The following ZNF420 variants were observed in gnomAD, a reference collection of about 807,000 sequenced individuals.
The protein encoded by ZNF420 is zinc finger protein 420.
In ZNF420, 31 loss-of-function variants were observed where a neutral mutation model predicts 44.7. The observed-to-expected ratio is 0.69, with a 90% CI of 0.52 to 0.94. The LOEUF (loss-of-function observed/expected upper bound fraction) is 0.94. Among genes scored for constraint, ZNF420 ranks in the 40% least tolerant of loss-of-function variants. ZNF420 has a pLI of 0.00. For synonymous variants in ZNF420, 245 were observed against 267.4 expected, an observed-to-expected ratio of 0.92 and a Z score of 0.82; for missense variants, 681 against 827.9, an observed-to-expected ratio of 0.82 and a Z score of 2.18.
Position 37,094,704 on chromosome 19 carries a change from G to T in ZNF420, c.136+3583G>T, listed in dbSNP as rs199694724. 2.4e-4 allele frequency among the ~76,000 whole-genome samples: 36 copies of T among 152,152 alleles called. No individual in the cohort carries two copies. In the East Asian group the frequency reaches 6.2e-3, roughly 26 times the overall value. Reference sequence around the variant, plus strand: ...GTAACCTTTGTGGCAATTAGTTGAGGTTCTAAGGAGAGATAAGAAATTGAC... The same window carrying T: ...GTAACCTTTGTGGCAATTAGTTGAGTTTCTAAGGAGAGATAAGAAATTGAC... On this transcript the variant is annotated intron_variant, in intron 4 of 4. Transcript: ENST00000337995.
At chr19:37,038,750 C>T (rs911596885) in intron 1 of ZNF420, among the ~76,000 whole-genome samples, 3 of 152,058 alleles carry the variant, frequency 2.0e-5, no homozygotes, top group Non-Finnish European at 2.9e-5. Flanking sequence ...CTTGGGAGTT[C>T]GAGACCAGCC....
chr19:37,069,287 G>A (rs549622556), intron 1 of ZNF420, among the ~76,000 whole-genome samples: 184 of 152,196 alleles, frequency 1.2e-3, no homozygotes, highest in African/African-American at 4.3e-3. Flanking sequence ...TTTGATATAT[G>A]TCATCAAAGG....
chr19:37,056,802 G>C (rs891364270), intron 1 of ZNF420, among the ~76,000 whole-genome samples: 7 of 152,236 alleles, frequency 4.6e-5, no homozygotes, highest in Non-Finnish European at 1.0e-4. Context: ...TTGGCTCAAG[G>C]AGGTCCTGAG....
At chr19:37,028,035 T>C (rs1431669233) in intron 1 of ZNF420, among the ~76,000 whole-genome samples, 1 of 152,208 alleles carries the variant, frequency 6.6e-6, no homozygotes, top group African/African-American at 2.4e-5. Flanking sequence ...CCATTTTGCA[T>C]TCCCAGCAGC....
chr19:37,098,140 T>G (rs563891446), intron 4 of ZNF420, among the ~76,000 whole-genome samples: 1 of 152,170 alleles, frequency 6.6e-6, no homozygotes, highest in East Asian at 1.9e-4. Flanking sequence ...TTTGTAGAGA[T>G]GAGGTTTTGC....
intron 1 of ZNF420, among the ~76,000 whole-genome samples, chr19:37,022,070 A>T (rs574110646): frequency 6.6e-6 from 1 of 151,872 alleles, no homozygotes; most frequent in African/African-American, 2.4e-5. Flanking sequence ...ATGTGTGATT[A>T]TATGACACTT....
chr19:37,063,385 G>T (rs751321339), intron 1 of ZNF420, among the ~76,000 whole-genome samples: 4 of 152,122 alleles, frequency 2.6e-5, no homozygotes, highest in African/African-American at 9.7e-5. Context: ...GTGAAGACCC[G>T]GTTTCCCTAG....
chr19:37,038,467 C>T (rs1182338279), intron 1 of ZNF420, among the ~76,000 whole-genome samples: 1 of 152,192 alleles, frequency 6.6e-6, no homozygotes, highest in African/African-American at 2.4e-5. Flanking sequence ...TAGCATCTTA[C>T]CCACGGTAGA....
At position 37,061,636 on chromosome 19, in the gene ZNF420, T is replaced by C. The variant is rs554826105; in HGVS notation, c.-124-18709T>C. Among the ~76,000 whole-genome samples, 310 of 152,296 alleles carry C rather than the reference T, an allele frequency of 2.0e-3. 17 individuals are homozygous for C. In the South Asian group the frequency reaches 0.061, roughly 30 times the overall value. On this transcript the variant is annotated intron_variant, in intron 1 of 4. Transcript: ENST00000587029. ...CAATATGATGAAGCCAAGGAAAATA[T>C]TTAAGATGTCTTTTTATAAAAGAGC...
intron 1 of ZNF420, among the ~76,000 whole-genome samples, chr19:37,054,181 G>A (rs1477509898): frequency 6.6e-6 from 1 of 152,212 alleles, no homozygotes; most frequent in Non-Finnish European, 1.5e-5. Flanking sequence ...TAATCTCCTG[G>A]TGTGCCATTT....
Position 37,100,729 on chromosome 19 carries a change from CT to C in ZNF420, c.136+9611del, listed in dbSNP as rs201211510. 8.7e-3 allele frequency among the ~76,000 whole-genome samples: 1,316 copies of C among 151,174 alleles called. 23 individuals are homozygous for C. The highest frequency in any genetic ancestry group is 0.031 in the African/African-American group (1,269 of 41,138). Reference sequence around the variant, plus strand: ...ACTCCATCTCAAAAAAAAAAAATTGCTTTGGCTGTTTGGGGACTTTTGTGGT... The same window carrying C: ...ACTCCATCTCAAAAAAAAAAAATTGCTTGGCTGTTTGGGGACTTTTGTGGT... On this transcript the variant is annotated intron_variant, in intron 4 of 4. Coordinates refer to ENST00000337995, the MANE Select transcript of ZNF420 (RefSeq NM_144689.5).
In ZNF420 at chr19:37,128,417, G is replaced by T; in HGVS notation, c.1426G>T (p.Glu476Ter). 1 of 1,614,028 alleles carries T rather than the reference G, an allele frequency of 6.2e-7. No homozygotes were observed. Among genetic ancestry groups the T allele is most frequent in the South Asian group, 1.1e-5 (1 of 91,080 alleles). Residue 476 changes from glutamate to a stop codon, truncating the protein, a stop_gained, in exon 5 of 5, where the codon GAA becomes TAA. Transcript: ENST00000337995. LOFTEE classifies it high-confidence loss of function. ...ERIHTGEKPY[E>*]CKECGKSFIR... is the part of the protein sequence containing the mutation. ...AATTCACACAGGTGAGAAACCCTAT[G>T]AATGTAAGGAATGTGGGAAATCTTT...
intron 4 of ZNF420, among the ~76,000 whole-genome samples, chr19:37,112,580 A>AT (rs1418417657): frequency 6.6e-6 from 1 of 152,194 alleles, no homozygotes; most frequent in African/African-American, 2.4e-5. Flanking sequence ...TTTTCCTTGA[A>AT]TAATGGCCTT....
At chr19:37,016,671 G>A (rs1225616501) in intron 1 of ZNF420, among the ~76,000 whole-genome samples, 2 of 152,168 alleles carry the variant, frequency 1.3e-5, no homozygotes, top group Admixed American at 6.5e-5. Flanking sequence ...CTTTGTCCTC[G>A]TTCCCGTTGC....
chr19:37,031,546 C>T (rs1967257431), intron 1 of ZNF420, among the ~76,000 whole-genome samples: 1 of 152,010 alleles, frequency 6.6e-6, no homozygotes, highest in Non-Finnish European at 1.5e-5. Context: ...CGCTCTGTCG[C>T]CCAGGCTGGA....
rs1255088004 is a variant in ZNF420 at position 37,118,216 on chromosome 19, C to T, written c.137-8912C>T. 2.0e-4 allele frequency among the ~76,000 whole-genome samples: 31 copies of T among 152,242 alleles called. No individual in the cohort carries two copies. The East Asian group carries it at 5.0e-3, about 25-fold the overall frequency. ...ATGAAGGAAAAAATGTTAAGGGCAG[C>T]CAGAGAGAAAGGTCAGGTTACCCAC... On this transcript the variant is annotated intron_variant, in intron 4 of 4. Transcript: ENST00000337995.
chr19:37,012,756 CTA>C (rs1328525013), intron 1 of ZNF420, among the ~76,000 whole-genome samples: 10 of 111,232 alleles, frequency 9.0e-5, no homozygotes, highest in Admixed American at 3.9e-4. Context: ...TGTGCCACTG[CTA>C]TATGTCTCTG....
intron 1 of ZNF420, among the ~76,000 whole-genome samples, chr19:37,062,985 A>T (rs900276056): frequency 6.6e-5 from 10 of 152,254 alleles, no homozygotes; most frequent in African/African-American, 2.4e-4. Context: ...AGCATGACTG[A>T]CGAAATCCTA....
intron 1 of ZNF420, among the ~76,000 whole-genome samples, chr19:37,013,256 G>T (rs1276517828): frequency 1.3e-5 from 2 of 152,024 alleles, no homozygotes; most frequent in African/African-American, 2.4e-5. Flanking sequence ...AGCAGCCCCC[G>T]CTCACTATTT....
Sources: allele counts gnomAD v4.1 joint callset (sites outside exome capture counted in the v4.1 genomes callset), GRCh38; gene constraint gnomAD v4.1.1; transcripts MANE v1.5; gene names NCBI Gene and HGNC (gene_info 2026-07-23, HGNC 2026-07-21).